The following SHANK2 variants were observed in gnomAD, a reference collection of about 807,000 sequenced individuals.
SHANK2 encodes SH3 and multiple ankyrin repeat domains 2, also known as SH3 and multiple ankyrin repeat domains protein 2.
A neutral mutation model predicts 133.7 loss-of-function variants in SHANK2; 43 were observed. That is an observed-to-expected ratio of 0.32 (90% CI 0.25 to 0.41). The LOEUF (loss-of-function observed/expected upper bound fraction) is 0.41. Ranked by LOEUF, SHANK2 falls within the 10% of genes least tolerant of loss-of-function variation. SHANK2 has a pLI of 1.00. For missense variants in SHANK2, 1,994 were observed against 2,235.8 expected, an observed-to-expected ratio of 0.89 and a Z score of 2.18; for synonymous variants, 1,017 against 952.8, an observed-to-expected ratio of 1.07 and a Z score of -1.24.
At position 70,487,613 on chromosome 11, in the gene SHANK2, C is replaced by T. The variant is rs1175694875; in HGVS notation, c.2680G>A (p.Val894Met). ...SEDIPPPPQS[V>M]PPSPPPPSPT... ...GAAGGTGGTGGTGGGGACGGGGGCA[C>T]AGACTGCGGTGGAGGGGGGATGTCC... The change falls in exon 25 of 26, where the codon GTG (valine) becomes ATG (methionine). Residue 894 changes from valine to methionine, a missense_variant. Val to Met is a conservative substitution (Grantham distance 21). Transcript: ENST00000601538. This position sits in a 1 kb window ranked among gnomAD's most constrained non-coding sequence, Gnocchi z 5.8. 1.2e-6 allele frequency: 2 copies of T among 1,608,868 alleles called. No homozygotes were observed. The highest frequency in any genetic ancestry group is 1.7e-6 in the Non-Finnish European group (2 of 1,177,598).
At chr11:70,930,583 T>G (rs1302934359) in intron 10 of SHANK2, among the ~76,000 whole-genome samples, 3 of 152,064 alleles carry the variant, frequency 2.0e-5, no homozygotes, top group Non-Finnish European at 2.9e-5. Flanking sequence ...CACTGCCACA[T>G]CTGGGTAGAG....
chr11:70,708,883 AC>A (rs1296048109), intron 14 of SHANK2, among the ~76,000 whole-genome samples: 9 of 151,386 alleles, frequency 5.9e-5, no homozygotes, highest in Admixed American at 2.0e-4. Context: ...TGATGTGTGG[AC>A]CCCCCCTGCT....
intron 3 of SHANK2, among the ~76,000 whole-genome samples, chr11:71,124,288 G>T (rs1273541018): frequency 4.6e-5 from 2 of 43,766 alleles, no homozygotes; most frequent in Non-Finnish European, 1.0e-4. Context: ...TGATGATGAT[G>T]GTGATGGTGA....
intron 14 of SHANK2, among the ~76,000 whole-genome samples, chr11:70,757,366 C>A (rs1273280088): frequency 1.3e-5 from 2 of 152,236 alleles, no homozygotes; most frequent in African/African-American, 4.8e-5. Context: ...CCTGTGGCTG[C>A]TGCCCTGAGA....
rs138281772 is a variant in SHANK2 at position 70,892,052 on chromosome 11, C to G, written c.1174+4449G>C. Among the ~76,000 whole-genome samples, 3 of 152,282 alleles carry G rather than the reference C, an allele frequency of 2.0e-5. No homozygotes were observed. The East Asian group carries it at 5.8e-4, about 29-fold the overall frequency. ...TCGAAAGCTCAGAAGATGAGCACCT[C>G]AAGCCACCCTCGTGAGAGACCACTG... is the stretch of plus-strand genomic sequence containing the variant. On this transcript the variant is annotated intron_variant, in intron 11 of 25. Coordinates refer to ENST00000601538, the MANE Select transcript of SHANK2 (RefSeq NM_012309.5).
chr11:70,623,498 T>A (rs1213417578), intron 17 of SHANK2, among the ~76,000 whole-genome samples: 1 of 152,180 alleles, frequency 6.6e-6, no homozygotes, highest in Non-Finnish European at 1.5e-5. Flanking sequence ...GCACCCTTGA[T>A]GAGGACACGG....
At chr11:70,901,349 C>T (rs1555076718) in intron 10 of SHANK2, among the ~76,000 whole-genome samples, 1 of 152,124 alleles carries the variant, frequency 6.6e-6, no homozygotes, top group Non-Finnish European at 1.5e-5. Context: ...AAATTATTCT[C>T]GAGGGTTATG....
At chr11:71,072,775 A>G (rs1951159980) in intron 9 of SHANK2, among the ~76,000 whole-genome samples, 1 of 152,132 alleles carries the variant, frequency 6.6e-6, no homozygotes, top group Non-Finnish European at 1.5e-5. Context: ...AAAACATTGC[A>G]CTCAGTGAAA....
chr11:71,117,792 G>A (rs190652369), intron 4 of SHANK2, among the ~76,000 whole-genome samples: 67 of 152,314 alleles, frequency 4.4e-4, no homozygotes, highest in Middle Eastern at 3.4e-3. Flanking sequence ...TCAGCTGTGC[G>A]TTTGTACACT....
intron 6 of SHANK2, among the ~76,000 whole-genome samples, chr11:71,105,590 TAAAAAAA>T (rs60654256): frequency 1.3e-5 from 1 of 77,946 alleles, no homozygotes; most frequent in Admixed American, 1.7e-4. Flanking sequence ...AGACTCAGTC[TAAAAAAA>T]AAAAAAAAAA....
At chr11:70,690,716 AAT>A (rs1555020820) in intron 15 of SHANK2, among the ~76,000 whole-genome samples, 14 of 142,660 alleles carry the variant, frequency 9.8e-5, no homozygotes, top group Non-Finnish European at 1.8e-4. Context: ...TATAAATATA[AAT>A]ATACCAAAGG....
intron 2 of SHANK2, among the ~76,000 whole-genome samples, chr11:71,186,411 G>A (rs1214164840): frequency 6.6e-6 from 1 of 152,216 alleles, no homozygotes; most frequent in East Asian, 1.9e-4. Flanking sequence ...AGGTCTATCA[G>A]TCATCCAGGA....
intron 14 of SHANK2, among the ~76,000 whole-genome samples, chr11:70,784,972 C>A (rs1947617809): frequency 6.6e-6 from 1 of 152,240 alleles, no homozygotes; most frequent in South Asian, 2.1e-4. Flanking sequence ...GTGCCACTTT[C>A]AGCTTTTGGT....
chr11:70,660,994 C>T (rs769507208), intron 16 of SHANK2, among the ~76,000 whole-genome samples: 3 of 152,230 alleles, frequency 2.0e-5, no homozygotes, highest in Admixed American at 6.5e-5. Context: ...GCAGGTGCAC[C>T]GCCATGGACT....
chr11:71,167,708 G>A (rs1177808480), intron 2 of SHANK2, among the ~76,000 whole-genome samples: 11 of 139,144 alleles, frequency 7.9e-5, no homozygotes, highest in South Asian at 2.4e-4. Context: ...GCGGCTGGCC[G>A]GGCAGAGGGG....
chr11:71,145,371 G>T (rs1473954092), intron 3 of SHANK2, among the ~76,000 whole-genome samples: 2 of 152,230 alleles, frequency 1.3e-5, no homozygotes, highest in African/African-American at 2.4e-5. Context: ...GTGTTGAGCC[G>T]CATTCAAAGC....
chr11:70,862,046 AG>A (rs556676142), intron 11 of SHANK2, among the ~76,000 whole-genome samples: 3 of 151,732 alleles, frequency 2.0e-5, no homozygotes, highest in Non-Finnish European at 4.4e-5. Flanking sequence ...CTCCCAGGCC[AG>A]GGGGAATCTG....
At chr11:70,776,309 T>C (rs2135081694) in intron 14 of SHANK2, among the ~76,000 whole-genome samples, 1 of 152,320 alleles carries the variant, frequency 6.6e-6, no homozygotes, top group East Asian at 1.9e-4. Context: ...CCCATTCCTC[T>C]GGCTCCACAG....
intron 2 of SHANK2, among the ~76,000 whole-genome samples, chr11:71,165,424 C>A (rs769678917): frequency 2.6e-5 from 4 of 152,170 alleles, no homozygotes; most frequent in African/African-American, 9.7e-5. Flanking sequence ...CTCTTGCAGA[C>A]CTCCCTGGGA....
Sources: gnomAD v4.1 joint callset for allele counts (sites outside exome capture counted in the v4.1 genomes callset) on GRCh38, gnomAD v4.1.1 for gene constraint, Gnocchi (gnomAD v3.1) non-coding constraint, MANE v1.5 for transcripts, NCBI Gene and HGNC (gene_info 2026-07-23, HGNC 2026-07-21) for gene names.